Variants in ANKRD28 observed in about 807,000 individuals in gnomAD.
ANKRD28 encodes serine/threonine-protein phosphatase 6 regulatory ankyrin repeat subunit A.
Under a neutral mutation model 126.5 loss-of-function variants are expected in ANKRD28, and 44 were observed. That is an observed-to-expected ratio of 0.35 (90% CI 0.27 to 0.45). The LOEUF (loss-of-function observed/expected upper bound fraction) is 0.45. ANKRD28 is among the 20% of genes least tolerant of loss of function. The pLI, the probability that ANKRD28 is intolerant of heterozygous loss-of-function variation, is 1.00. For synonymous variants in ANKRD28, 442 were observed against 468.5 expected (o/e 0.94, Z 0.73); for missense variants, 1,110 against 1,316.6 (o/e 0.84, Z 2.43).
intron 14 of ANKRD28, among the ~76,000 whole-genome samples, chr3:15,697,804 T>C (rs2069876783): frequency 1.3e-5 from 2 of 152,208 alleles, no homozygotes; most frequent in Non-Finnish European, 2.9e-5. Flanking sequence ...TCAGAAGGAA[T>C]GGTACCAGCT....
In ANKRD28 at chr3:15,711,278, C is replaced by A. The variant is rs751565279; in HGVS notation, c.1274-4G>T. On this transcript the variant is annotated splice_region_variant and splice_polypyrimidine_tract_variant and intron_variant, in intron 11 of 27. Transcript: ENST00000683139. ...TCTGGGGTATCTATATCAAATCCTACAAGAATGAATACATCTTATTTATAA... is the reference window on the plus strand; with the variant it reads ...TCTGGGGTATCTATATCAAATCCTAAAAGAATGAATACATCTTATTTATAA... 2.3e-4 allele frequency: 363 copies of A among 1,605,990 alleles called. 1 individual carries two copies. The highest frequency in any genetic ancestry group is 1.6e-4 in the Non-Finnish European group (184 of 1,173,960).
At chr3:15,758,258 T>C (rs1156514584) in intron 3 of ANKRD28, among the ~76,000 whole-genome samples, 1 of 152,214 alleles carries the variant, frequency 6.6e-6, no homozygotes, top group Non-Finnish European at 1.5e-5. Flanking sequence ...AAACTGGAAA[T>C]AATGCTTTTC....
rs938755180 is a variant in ANKRD28, at chr3:15,830,042, G to C, written c.27+29335C>G. ...TCATACAGACACCCCAGGGTGAAGT[G>C]TAATGTAAGTAATTTATACTTAAAA... On this transcript the variant is annotated intron_variant, in intron 1 of 27. Transcript: ENST00000399451. This position sits in a 1 kb window ranked among gnomAD's most constrained non-coding sequence, Gnocchi z 4.5. Among the ~76,000 whole-genome samples, 1 of 151,862 alleles carries C rather than the reference G, an allele frequency of 6.6e-6. No homozygotes were observed. Among genetic ancestry groups the C allele is most frequent in the African/African-American group, 2.4e-5 (1 of 41,324 alleles).
chr3:15,736,912 G>C, intron 5 of ANKRD28, 121 bp downstream of exon 5: 2 of 1,059,296 alleles, frequency 1.9e-6, no homozygotes, highest in African/African-American at 1.6e-5. Flanking sequence ...GGCAAAATTA[G>C]ACAAAAATGA....
intron 2 of ANKRD28, 97 bp downstream of exon 2, chr3:15,795,120 TGTTACA>T (rs2060216248): frequency 3.7e-6 from 3 of 811,704 alleles, no homozygotes; most frequent in Admixed American, 2.3e-5. Context: ...TTAAAACAAC[TGTTACA>T]GAGTTATATT....
Position 15,777,577 on chromosome 3 carries a change from CAT to C in ANKRD28, c.202-11267_202-11266del, listed in dbSNP as rs142089565. Among the ~76,000 whole-genome samples, 1,110 of 152,154 alleles carry C rather than the reference CAT, an allele frequency of 7.3e-3. 26 individuals are homozygous for C. The highest frequency in any genetic ancestry group is 0.026 in the African/African-American group (1,073 of 41,528). On this transcript the variant is annotated intron_variant, in intron 2 of 27. Transcript: ENST00000683139. The stretch of plus-strand genomic sequence containing the variant: ...TATTTATTTCTCATATACAAAGACA[CAT>C]GTGTTCTAAATGATGAGTTTATTAT...
At chr3:15,674,196 A>AAAAAAAAG (rs1470515364) in intron 27 of ANKRD28, among the ~76,000 whole-genome samples, 2,024 of 129,500 alleles carry the variant, frequency 0.016, 177 homozygotes, top group East Asian at 0.09. Flanking sequence ...AAAAAAAAAA[A>AAAAAAAAG]AAGAAGAAGA....
intron 3 of ANKRD28, among the ~76,000 whole-genome samples, chr3:15,757,679 TG>T (rs1197774192): frequency 6.6e-6 from 1 of 152,110 alleles, no homozygotes; most frequent in Non-Finnish European, 1.5e-5. Flanking sequence ...AAATAAGAAG[TG>T]GGCCCTCACC....
rs528630925 is a variant in ANKRD28, at chr3:15,830,614, C to A, written c.27+28763G>T. Among the ~76,000 whole-genome samples the A allele has an allele frequency of 6.6e-6, 1 of 151,834 alleles. No individual in the cohort carries two copies. Among genetic ancestry groups the A allele is most frequent in the Non-Finnish European group, 1.5e-5 (1 of 67,966 alleles). On this transcript the variant is annotated intron_variant, in intron 1 of 27. Transcript: ENST00000399451. The surrounding 1 kb of genome is among the most constrained non-coding windows in gnomAD (Gnocchi z 4.5). Reference sequence around the variant, plus strand: ...CCATCCACGGAAAAATTGTCTTCCACGAAACTGGTCCCTGGTGCCAAAAAC... The same window carrying A: ...CCATCCACGGAAAAATTGTCTTCCAAGAAACTGGTCCCTGGTGCCAAAAAC...
chr3:15,854,157 C>A lies in ANKRD28; in HGVS notation c.27+5220G>T, dbSNP rs985772699. Reference sequence around the variant, plus strand: ...CATTCTTGCCAAAACCTTCGCAGGCCCTATTTTAAGGAGGCCCAGCTCAAA... The same window carrying A: ...CATTCTTGCCAAAACCTTCGCAGGCACTATTTTAAGGAGGCCCAGCTCAAA... On this transcript the variant is annotated intron_variant, in intron 1 of 27. Transcript: ENST00000399451. This position sits in a 1 kb window ranked among gnomAD's most constrained non-coding sequence, Gnocchi z 4.1. Among the ~76,000 whole-genome samples, 6 of 152,140 alleles carry A rather than the reference C, an allele frequency of 3.9e-5. No homozygotes were observed. The highest frequency in any genetic ancestry group is 4.8e-5 in the African/African-American group (2 of 41,416).
intron 13 of ANKRD28, among the ~76,000 whole-genome samples, chr3:15,708,500 A>T (rs573068308): frequency 7.9e-5 from 12 of 152,050 alleles, no homozygotes; most frequent in South Asian, 4.2e-4. Context: ...AAGAAACATT[A>T]AAAAAAATGT....
At chr3:15,836,768 GATAAAC>G (rs573760896) in intron 1 of ANKRD28, among the ~76,000 whole-genome samples, 272 of 152,224 alleles carry the variant, frequency 1.8e-3, no homozygotes, top group African/African-American at 5.5e-3. Flanking sequence ...TCAACAGGAA[GATAAAC>G]ATAAACATAT....
At chr3:15,740,793 G>A (rs1030061412) in intron 4 of ANKRD28, among the ~76,000 whole-genome samples, 5 of 152,178 alleles carry the variant, frequency 3.3e-5, no homozygotes, top group Non-Finnish European at 2.9e-5. Context: ...GTAGGTAAGC[G>A]TAGGTAAGTG....
intron 1 of ANKRD28, among the ~76,000 whole-genome samples, chr3:15,858,227 G>T (rs1008901422): frequency 6.6e-5 from 10 of 152,172 alleles, no homozygotes; most frequent in African/African-American, 2.4e-4. Flanking sequence ...TTATAGGACA[G>T]AACAGTTGTA....
upstream of ANKRD28, among the ~76,000 whole-genome samples, chr3:15,802,838 A>G (rs1231744835): frequency 6.6e-6 from 1 of 152,224 alleles, no homozygotes; most frequent in Non-Finnish European, 1.5e-5. Context: ...CACCTAGTAT[A>G]CATTCATCTA....
At chr3:15,779,130 T>C (rs898252495) in intron 2 of ANKRD28, among the ~76,000 whole-genome samples, 3 of 152,168 alleles carry the variant, frequency 2.0e-5, no homozygotes, top group Non-Finnish European at 4.4e-5. Flanking sequence ...CAATACCCTA[T>C]CATGCTTACA....
chr3:15,681,358 T>C (rs552401809), intron 21 of ANKRD28, among the ~76,000 whole-genome samples: 28 of 152,220 alleles, frequency 1.8e-4, no homozygotes, highest in Non-Finnish European at 4.0e-4. Flanking sequence ...GCTGACTGTA[T>C]TGACTGTTCA....
intron 23 of ANKRD28, 116 bp from the exon 24 acceptor site, chr3:15,678,470 G>T: frequency 1.1e-6 from 1 of 918,286 alleles, no homozygotes; most frequent in Non-Finnish European, 1.5e-6. Context: ...GGCTACAAAA[G>T]CACTGCCTGT....
At position 15,804,744 on chromosome 3, in the gene ANKRD28, G is replaced by A. The variant is rs1331092336; in HGVS notation, c.28-9438C>T. Among the ~76,000 whole-genome samples, 2 of 145,144 alleles carry A rather than the reference G, an allele frequency of 1.4e-5. 1 individual carries two copies. The highest frequency in any genetic ancestry group is 6.0e-4 in the East Asian group (2 of 3,334). ...AGTACAGATGACTGCTGGTGTGGAG[G>A]TTGTTAAATAGTTAAGTATGTTCAA... On this transcript the variant is annotated intron_variant, in intron 1 of 27. Transcript: ENST00000399451.
Sources: gnomAD v4.1 joint callset for allele counts (sites outside exome capture counted in the v4.1 genomes callset) on GRCh38, gnomAD v4.1.1 for gene constraint, Gnocchi (gnomAD v3.1) non-coding constraint, MANE v1.5 for transcripts, NCBI Gene and HGNC (gene_info 2026-07-23, HGNC 2026-07-21) for gene names.